The following POU3F3 variants were observed in gnomAD, a reference collection of about 807,000 sequenced individuals.
POU3F3 encodes POU domain, class 3, transcription factor 3.
Under a neutral mutation model 8.6 loss-of-function variants are expected in POU3F3, and 1 was observed. The ratio of observed to expected loss-of-function variants is 0.12; its 90% CI spans 0.04 to 0.55. The LOEUF (loss-of-function observed/expected upper bound fraction) is 0.55, where lower values mean the gene tolerates loss of function less well. Among genes scored for constraint, POU3F3 ranks in the 20% least tolerant of loss-of-function variants. The probability of loss-of-function intolerance (pLI) is 0.91; values close to 1 mark genes in which losing one functional copy is unlikely to be tolerated. For synonymous variants in POU3F3, 418 were observed against 327.4 expected (o/e 1.28, Z -2.99); for missense variants, 577 against 690.7 (o/e 0.84, Z 1.84).
the POU3F3 span, chr2:104,867,434 C>G: frequency 6.6e-6 from 1 of 152,324 alleles, no homozygotes; most frequent in Non-Finnish European, 1.5e-5. This position sits in a 1 kb window ranked among gnomAD's most constrained non-coding sequence, Gnocchi z 5.0. Flanking sequence ...TAAAGGATCA[C>G]ACACCTTGCA....
chr2:104,925,478 C>T, the POU3F3 span, among the ~76,000 whole-genome samples: 1 of 152,084 alleles, frequency 6.6e-6, no homozygotes, highest in Non-Finnish European at 1.5e-5. Flanking sequence ...AGTTAAACCT[C>T]AGATAGAAGC....
chr2:104,907,075 T>C, the POU3F3 span, among the ~76,000 whole-genome samples: 840 of 152,298 alleles, frequency 5.5e-3, 9 homozygotes, highest in African/African-American at 0.019. Flanking sequence ...GCAGGCATCC[T>C]GTGGGATCCT....
At chr2:104,923,101 T>G in the POU3F3 span, among the ~76,000 whole-genome samples, 8 of 152,214 alleles carry the variant, frequency 5.3e-5, no homozygotes, top group South Asian at 6.2e-4. Context: ...AACAAGAGCT[T>G]AAGGAATTCA....
chr2:104,901,051 T>A, the POU3F3 span, among the ~76,000 whole-genome samples: 1 of 152,378 alleles, frequency 6.6e-6, no homozygotes, highest in Non-Finnish European at 1.5e-5. Context: ...TACCTGTTTA[T>A]GATTAAATTG....
chr2:104,889,702 A>G, the POU3F3 span, among the ~76,000 whole-genome samples: 50 of 152,274 alleles, frequency 3.3e-4, no homozygotes, highest in African/African-American at 1.2e-3. Flanking sequence ...TCATAGTTAA[A>G]TTGTCAGGTA....
chr2:104,855,599 G>T lies in POU3F3; in HGVS notation c.89G>T (p.Gly30Val). The change falls in exon 1 of 1, where the codon GGC becomes GTC. Residue 30 changes from glycine to valine, a missense_variant. Transcript: ENST00000361360. ...SIVHSDAAGA[G>V]GGGGGGGGGG... ...GTGCACTCGGACGCGGCAGGGGCTG[G>T]CGGCGGCGGGGGTGGCGGCGGCGGC... The T allele has an allele frequency of 1.0e-6, 1 of 964,960 alleles. No homozygotes were observed. The highest frequency in any genetic ancestry group is 1.2e-6 in the Non-Finnish European group (1 of 817,404). 59.8% of individuals were successfully genotyped at this position (964,960 alleles called of 1,614,324 possible).
the POU3F3 span, chr2:104,872,179 C>G: frequency 0.013 from 6,001 of 453,560 alleles, 67 homozygotes; most frequent in Middle Eastern, 0.02. The surrounding 1 kb of genome is among the most constrained non-coding windows in gnomAD (Gnocchi z 4.6). Flanking sequence ...GCCCTGCGCC[C>G]GCCGGCTGCG....
chr2:104,880,487 C>T, the POU3F3 span, among the ~76,000 whole-genome samples: 1 of 152,140 alleles, frequency 6.6e-6, no homozygotes, highest in South Asian at 2.1e-4. Flanking sequence ...CTGCCTGATC[C>T]CAGACCTGCC....
At chr2:104,917,588 G>T in the POU3F3 span, among the ~76,000 whole-genome samples, 11 of 152,270 alleles carry the variant, frequency 7.2e-5, no homozygotes, top group Admixed American at 6.5e-4. Flanking sequence ...GAGGAAGTGG[G>T]CACAGTCTGT....
the POU3F3 span, among the ~76,000 whole-genome samples, chr2:104,869,223 C>A: frequency 2.0e-5 from 3 of 152,194 alleles, no homozygotes; most frequent in Non-Finnish European, 4.4e-5. Flanking sequence ...TGTAATATTT[C>A]TTTTAAAGAA....
chr2:104,898,379 T>G, the POU3F3 span, among the ~76,000 whole-genome samples: 1 of 152,210 alleles, frequency 6.6e-6, no homozygotes, highest in Non-Finnish European at 1.5e-5. Context: ...CCTGGGGATA[T>G]TATTGTTTAG....
At chr2:104,885,059 G>T in the POU3F3 span, among the ~76,000 whole-genome samples, 2 of 152,054 alleles carry the variant, frequency 1.3e-5, no homozygotes, top group Non-Finnish European at 2.9e-5. Context: ...AAAAAAATGT[G>T]ATCATCCATC....
At chr2:104,863,553 A>G (rs1676692843), downstream of POU3F3, among the ~76,000 whole-genome samples, 1 of 152,106 alleles carries the variant, frequency 6.6e-6, no homozygotes, top group South Asian at 2.1e-4. Flanking sequence ...GGCTGAGTTC[A>G]AGGCCTGGCT....
rs1381288071 is a variant in POU3F3 at position 104,857,989 on chromosome 2, G to T, written c.*976G>T. 1 of 152,196 alleles carries T rather than the reference G, an allele frequency of 6.6e-6. No individual in the cohort carries two copies. Among genetic ancestry groups the T allele is most frequent in the Non-Finnish European group, 1.5e-5 (1 of 68,036 alleles). 9.4% of individuals were successfully genotyped at this position (152,196 alleles called of 1,614,324 possible). A position where few individuals can be genotyped will look rare whatever the true frequency, so the allele number is the denominator to read the frequency against. ...CCAGCCAGCGAGGCCGCCGAGCCAGGCCCGGCCGCGTACCCAGGCTTTGAC... is the reference window on the plus strand; with the variant it reads ...CCAGCCAGCGAGGCCGCCGAGCCAGTCCCGGCCGCGTACCCAGGCTTTGAC... On this transcript the variant is annotated 3_prime_UTR_variant, in exon 1 of 1. Transcript: ENST00000361360.
At chr2:104,879,940 A>G in the POU3F3 span, among the ~76,000 whole-genome samples, 5 of 152,196 alleles carry the variant, frequency 3.3e-5, no homozygotes, top group Non-Finnish European at 5.9e-5. Context: ...CAGATCTACT[A>G]TACGATAGAA....
the POU3F3 span, among the ~76,000 whole-genome samples, chr2:104,891,994 G>C: frequency 6.6e-6 from 1 of 152,254 alleles, no homozygotes; most frequent in African/African-American, 2.4e-5. Context: ...TATAAACAGG[G>C]AGACATTCGT....
the POU3F3 span, among the ~76,000 whole-genome samples, chr2:104,917,805 TG>T: frequency 6.6e-6 from 1 of 152,148 alleles, no homozygotes; most frequent in Non-Finnish European, 1.5e-5. Context: ...CCTCCCTTGC[TG>T]GGGGGTTGCC....
At chr2:104,871,995 C>A in the POU3F3 span, among the ~76,000 whole-genome samples, 1 of 152,146 alleles carries the variant, frequency 6.6e-6, no homozygotes, top group Admixed American at 6.5e-5. Flanking sequence ...GACCTTCCCA[C>A]GCGCGGGCCG....
At position 104,855,630 on chromosome 2, in the gene POU3F3, CGGG is replaced by C. The variant is rs1303053833; in HGVS notation, c.123_125del (p.Gly43del). The C allele has an allele frequency of 2.0e-5, 7 of 345,142 alleles. No individual in the cohort carries two copies. Among genetic ancestry groups the C allele is most frequent in the African/African-American group, 4.9e-5 (1 of 20,508 alleles). The allele number at this position is 345,142 out of a possible 1,614,324, so 21.4% of individuals were successfully genotyped here. A position where few individuals can be genotyped will look rare whatever the true frequency, so the allele number is the denominator to read the frequency against. Reference sequence around the variant, plus strand: ...GCGGGGGTGGCGGCGGCGGCGGCGGCGGGGGCGGCGCAGGGGGCGGGGGCGGCG... The same window carrying C: ...GCGGGGGTGGCGGCGGCGGCGGCGGCGGCGGCGCAGGGGGCGGGGGCGGCG... On this transcript the variant is annotated inframe_deletion, in exon 1 of 1. Transcript: ENST00000361360.
Sources: gnomAD v4.1 joint callset for allele counts (sites outside exome capture counted in the v4.1 genomes callset) on GRCh38, gnomAD v4.1.1 for gene constraint, Gnocchi (gnomAD v3.1) non-coding constraint, MANE v1.5 for transcripts, NCBI Gene and HGNC (gene_info 2026-07-23, HGNC 2026-07-21) for gene names.